AGTPBP1: variants seen among roughly 807,000 people sequenced by gnomAD.
AGTPBP1 encodes the protein cytosolic carboxypeptidase 1.
AGTPBP1 carries 70 observed loss-of-function variants against 143.9 expected under a neutral mutation model. The observed-to-expected ratio is 0.49, with a 90% confidence interval of 0.40 to 0.59. The LOEUF (loss-of-function observed/expected upper bound fraction) is 0.59, where lower values mean the gene tolerates loss of function less well. Among genes scored for constraint, AGTPBP1 ranks in the 20% least tolerant of loss-of-function variants. The probability of loss-of-function intolerance (pLI) is 0.00; values close to 1 mark genes in which losing one functional copy is unlikely to be tolerated. For missense variants in AGTPBP1, 1,229 were observed against 1,464.5 expected (o/e 0.84, Z 2.62); for synonymous variants, 463 against 500.2 (o/e 0.93, Z 0.99).
intron 1 of AGTPBP1, among the ~76,000 whole-genome samples, chr9:85,728,554 G>A (rs1189373491): frequency 6.6e-6 from 1 of 152,140 alleles, no homozygotes; most frequent in Non-Finnish European, 1.5e-5. Context: ...CCTACAGCAA[G>A]GAGGAACTGT....
Position 85,681,466 on chromosome 9 carries a change from C to T in AGTPBP1, c.158-131G>A, listed in dbSNP as rs914981194. On this transcript the variant is annotated intron_variant, in intron 3 of 25. Coordinates refer to ENST00000357081, the MANE Select transcript of AGTPBP1 (RefSeq NM_001330701.2). Reference sequence around the variant, plus strand: ...TAAACACTCTAACTTGGTTCACAGACGTTCTTCCCTCTGATGTTGCTAATT... The same window carrying T: ...TAAACACTCTAACTTGGTTCACAGATGTTCTTCCCTCTGATGTTGCTAATT... 600 of 678,528 alleles carry T rather than the reference C, an allele frequency of 8.8e-4. 7 individuals are homozygous for T. The highest frequency in any genetic ancestry group is 8.1e-4 in the Middle Eastern group (2 of 2,474). 42.0% of individuals were successfully genotyped at this position (678,528 alleles called of 1,614,324 possible).
the AGTPBP1 span, among the ~76,000 whole-genome samples, chr9:85,786,991 A>AT: frequency 6.6e-6 from 1 of 152,072 alleles, no homozygotes; most frequent in African/African-American, 2.4e-5. Context: ...GTATATTGTT[A>AT]TTTTTTAAAA....
At chr9:85,547,622 C>A (rs1196456637) in intron 25 of AGTPBP1, among the ~76,000 whole-genome samples, 1 of 152,092 alleles carries the variant, frequency 6.6e-6, no homozygotes, top group Non-Finnish European at 1.5e-5. Context: ...TTTTTTAATT[C>A]TACTAAAATC....
chr9:85,559,878 C>A (rs1826589243), intron 25 of AGTPBP1, among the ~76,000 whole-genome samples: 1 of 152,150 alleles, frequency 6.6e-6, no homozygotes, highest in Non-Finnish European at 1.5e-5. Context: ...ATAAAAATCC[C>A]AAACCCCACT....
the AGTPBP1 span, among the ~76,000 whole-genome samples, chr9:85,763,135 C>A: frequency 2.6e-5 from 4 of 151,808 alleles, no homozygotes; most frequent in East Asian, 7.7e-4. Flanking sequence ...AACTCTCAAT[C>A]AAATGTGAAG....
the AGTPBP1 span, chr9:85,756,215 A>G: frequency 7.3e-5 from 116 of 1,597,566 alleles, 1 homozygote; most frequent in East Asian, 2.4e-3. Context: ...ACAGGAGAAG[A>G]GTCACCTGGA....
intron 25 of AGTPBP1, among the ~76,000 whole-genome samples, chr9:85,571,365 G>A (rs751365178): frequency 1.3e-5 from 2 of 152,142 alleles, no homozygotes; most frequent in Non-Finnish European, 2.9e-5. Context: ...AAAGAATGAT[G>A]AGGAAATATA....
chr9:85,671,116 CTT>C (rs759666236), intron 7 of AGTPBP1, among the ~76,000 whole-genome samples: 5 of 144,070 alleles, frequency 3.5e-5, no homozygotes, highest in Non-Finnish European at 3.1e-5. Context: ...CAATTTTTTC[CTT>C]TTTTTTTTTT....
intron 14 of AGTPBP1, among the ~76,000 whole-genome samples, chr9:85,629,921 C>A (rs73477726): frequency 0.028 from 4,283 of 152,228 alleles, 205 homozygotes; most frequent in African/African-American, 0.096. Flanking sequence ...GAATCAGAGG[C>A]TTATATAAAA....
At chr9:85,696,420 C>T (rs1836242769) in intron 2 of AGTPBP1, among the ~76,000 whole-genome samples, 1 of 152,080 alleles carries the variant, frequency 6.6e-6, no homozygotes, top group South Asian at 2.1e-4. Flanking sequence ...GTAATTCCAG[C>T]ACTTTGGGAG....
At chr9:85,684,680 T>C (rs1377090748) in intron 3 of AGTPBP1, among the ~76,000 whole-genome samples, 1 of 152,182 alleles carries the variant, frequency 6.6e-6, no homozygotes, top group African/African-American at 2.4e-5. Context: ...TGATCAGTAA[T>C]TTGTTAATAA....
intron 3 of AGTPBP1, among the ~76,000 whole-genome samples, chr9:85,691,547 G>A (rs1331372016): frequency 6.6e-6 from 1 of 150,838 alleles, no homozygotes; most frequent in Non-Finnish European, 1.5e-5. Context: ...GTGTGTGTGT[G>A]TGTGTGTGTG....
intron 19 of AGTPBP1, among the ~76,000 whole-genome samples, chr9:85,592,174 T>C (rs1329199753): frequency 6.6e-6 from 1 of 152,032 alleles, no homozygotes; most frequent in East Asian, 1.9e-4. Context: ...TCTCACCTGG[T>C]TAAAAATTGT....
chr9:85,554,901 G>A (rs1452873403), intron 25 of AGTPBP1, among the ~76,000 whole-genome samples: 1 of 152,072 alleles, frequency 6.6e-6, no homozygotes, highest in Admixed American at 6.6e-5. Context: ...GGAAAACCTA[G>A]AAATGAAAAA....
At chr9:85,730,732 G>A (rs1838823257) in intron 1 of AGTPBP1, among the ~76,000 whole-genome samples, 1 of 152,110 alleles carries the variant, frequency 6.6e-6, no homozygotes, top group Non-Finnish European at 1.5e-5. Flanking sequence ...AGATGGAAAC[G>A]CACTCTATCT....
chr9:85,550,903 G>T (rs1324566455), intron 25 of AGTPBP1, among the ~76,000 whole-genome samples: 2 of 152,134 alleles, frequency 1.3e-5, no homozygotes, highest in Admixed American at 1.3e-4. Flanking sequence ...TGGATGTGTG[G>T]CCACTCCAAA....
the AGTPBP1 span, among the ~76,000 whole-genome samples, chr9:85,759,996 C>G: frequency 1.3e-5 from 2 of 152,176 alleles, no homozygotes; most frequent in East Asian, 1.9e-4. Context: ...AACACCTCTA[C>G]GCAAATAAAC....
chr9:85,658,686 C>T (rs940633993), intron 9 of AGTPBP1, among the ~76,000 whole-genome samples: 20 of 152,098 alleles, frequency 1.3e-4, no homozygotes, highest in African/African-American at 4.3e-4. Context: ...TGAATTATTA[C>T]AGTTTCTAAA....
At chr9:85,756,258 G>T in the AGTPBP1 span, 1 of 1,582,512 alleles carries the variant, frequency 6.3e-7, no homozygotes, top group East Asian at 2.3e-5. Context: ...CAGGTATTCT[G>T]TTTAATACAC....
Sources: gnomAD v4.1 joint callset for allele counts (sites outside exome capture counted in the v4.1 genomes callset) on GRCh38, gnomAD v4.1.1 for gene constraint, MANE v1.5 for transcripts, NCBI Gene and HGNC (gene_info 2026-07-23, HGNC 2026-07-21) for gene names.